The following TSPEAR variants were observed in gnomAD, a reference collection of about 807,000 sequenced individuals.
The protein encoded by TSPEAR is thrombospondin-type laminin G domain and EAR repeat-containing protein.
Under a neutral mutation model 71.6 loss-of-function variants are expected in TSPEAR, and 69 were observed. That is an observed-to-expected ratio of 0.96 (90% CI 0.79 to 1.18). TSPEAR has a LOEUF of 1.18. TSPEAR is among the 50% of genes most tolerant of loss of function. The probability of loss-of-function intolerance (pLI) is 0.00; values close to 1 mark genes in which losing one functional copy is unlikely to be tolerated. For synonymous variants in TSPEAR, 402 were observed against 387.2 expected (o/e 1.04, Z -0.45); for missense variants, 971 against 894.9 (o/e 1.09, Z -1.09).
chr21:44,575,006 A>G (rs1555923714), intron 1 of TSPEAR: 1 of 1,603,074 alleles, frequency 6.2e-7, no homozygotes, highest in East Asian at 2.2e-5. Context: ...GCCTCCGCTC[A>G]GGTCAGAAGC....
intron 9 of TSPEAR, among the ~76,000 whole-genome samples, chr21:44,518,101 T>C (rs782352079): frequency 2.6e-5 from 4 of 152,260 alleles, no homozygotes; most frequent in Non-Finnish European, 5.9e-5. Context: ...GCATTTTTAA[T>C]GTCCAAGCTC....
chr21:44,544,569 TG>T (rs2053270425), intron 2 of TSPEAR, among the ~76,000 whole-genome samples: 2 of 152,326 alleles, frequency 1.3e-5, no homozygotes, highest in Non-Finnish European at 2.9e-5. Context: ...TGTAAATAAT[TG>T]GGAGAGAAAT....
chr21:44,639,147 C>T (rs1983867930), intron 1 of TSPEAR, among the ~76,000 whole-genome samples: 1 of 152,150 alleles, frequency 6.6e-6, no homozygotes, highest in Non-Finnish European at 1.5e-5. Flanking sequence ...AGGGTCCTGG[C>T]TCCCTTTTGG....
chr21:44,635,345 CAAAAAAAAAAAAA>C (rs56054652), intron 1 of TSPEAR, among the ~76,000 whole-genome samples: 1 of 83,904 alleles, frequency 1.2e-5, no homozygotes, highest in African/African-American at 4.9e-5. Flanking sequence ...GACTCTGTCT[CAAAAAAAAAAAAA>C]AAAAAAAAGA....
intron 1 of TSPEAR, among the ~76,000 whole-genome samples, chr21:44,674,305 A>G (rs140649014): frequency 0.027 from 3,970 of 148,052 alleles, 93 homozygotes; most frequent in Non-Finnish European, 0.042. Context: ...TCTTTTAAAA[A>G]GATAAAAAAA....
intron 1 of TSPEAR, chr21:44,697,486 C>T (rs574049088): frequency 1.4e-5 from 22 of 1,613,912 alleles, no homozygotes; most frequent in East Asian, 4.5e-5. Flanking sequence ...CGGCTTGCTG[C>T]ACCTCCTCCC....
chr21:44,656,867 C>A (rs1985180292), intron 1 of TSPEAR, among the ~76,000 whole-genome samples: 1 of 152,136 alleles, frequency 6.6e-6, no homozygotes, highest in Non-Finnish European at 1.5e-5. Context: ...TTCTCCTCTT[C>A]TTGAGACAAG....
intron 1 of TSPEAR, among the ~76,000 whole-genome samples, chr21:44,594,295 G>A (rs1212846002): frequency 6.6e-6 from 1 of 152,158 alleles, no homozygotes; most frequent in African/African-American, 2.4e-5. Flanking sequence ...TGTAAAGTGG[G>A]GAAGGGGACA....
chr21:44,511,080 G>C (rs587646220), intron 9 of TSPEAR: 3 of 152,446 alleles, frequency 2.0e-5, no homozygotes, highest in Admixed American at 1.3e-4. Flanking sequence ...AGGTGGGCGG[G>C]GGGGAGTGTT....
intron 1 of TSPEAR, among the ~76,000 whole-genome samples, chr21:44,656,462 AT>A (rs55880801): frequency 6.6e-6 from 1 of 151,900 alleles, no homozygotes; most frequent in Non-Finnish European, 1.5e-5. Flanking sequence ...GGGTTGGCAA[AT>A]TTTTTTTGAG....
chr21:44,501,603 GA>G (rs2052032248), intron 11 of TSPEAR, among the ~76,000 whole-genome samples: 1 of 151,550 alleles, frequency 6.6e-6, no homozygotes, highest in Non-Finnish European at 1.5e-5. Context: ...TCTCCAAAAA[GA>G]AAAAATAAAA....
chr21:44,648,643 A>G (rs762433), intron 1 of TSPEAR, among the ~76,000 whole-genome samples: 104,025 of 152,106 alleles, frequency 0.68, 35,789 homozygotes, highest in South Asian at 0.75. Flanking sequence ...CACAGGGCGC[A>G]CCAACATTGC....
intron 1 of TSPEAR, among the ~76,000 whole-genome samples, chr21:44,645,679 C>T (rs190351487): frequency 5.3e-5 from 8 of 152,070 alleles, no homozygotes; most frequent in East Asian, 1.9e-4. Context: ...TCGTCTGTGC[C>T]GTTTTTATTT....
intron 1 of TSPEAR, among the ~76,000 whole-genome samples, chr21:44,594,598 T>C (rs1980232397): frequency 6.6e-6 from 1 of 152,190 alleles, no homozygotes; most frequent in Non-Finnish European, 1.5e-5. Context: ...ACATGCATGT[T>C]TGTTCAGTTC....
intron 1 of TSPEAR, among the ~76,000 whole-genome samples, chr21:44,628,877 C>G (rs1260243423): frequency 1.3e-5 from 2 of 151,778 alleles, no homozygotes; most frequent in African/African-American, 2.4e-5. Flanking sequence ...CTGGGCTTGC[C>G]GCTGGGATGC....
At chr21:44,627,173 T>C in intron 1 of TSPEAR, 2 of 1,611,930 alleles carry the variant, frequency 1.2e-6, no homozygotes, top group East Asian at 2.2e-5. Context: ...CACCCCAGCA[T>C]GGCCGCGTCC....
At position 44,622,254 on chromosome 21, in the gene TSPEAR, G is replaced by A. The variant is rs368707336; in HGVS notation, c.83-54249C>T. On this transcript the variant is annotated intron_variant, in intron 1 of 11. Transcript: ENST00000323084. ...CAAGAATGTGGGGCTTTGCTGATAC[G>A]TTTGAGCTTAAACCTCCCATCTCAT... Among the ~76,000 whole-genome samples, 8 of 152,182 alleles carry A rather than the reference G, an allele frequency of 5.3e-5. 1 individual carries two copies. Among genetic ancestry groups the A allele is most frequent in the East Asian group, 1.9e-4 (1 of 5,180 alleles).
At chr21:44,500,279 C>G (rs1251293175) in intron 11 of TSPEAR, among the ~76,000 whole-genome samples, 1 of 152,208 alleles carries the variant, frequency 6.6e-6, no homozygotes, top group Admixed American at 6.5e-5. Context: ...CCAGGGCCCC[C>G]CTCAAACACA....
chr21:44,516,070 T>G (rs143688447), intron 9 of TSPEAR: 2 of 152,286 alleles, frequency 1.3e-5, no homozygotes, highest in Non-Finnish European at 2.9e-5. Flanking sequence ...TCCCTGCTCC[T>G]GAGCCTCAGT....
Sources: allele counts gnomAD v4.1 joint callset (sites outside exome capture counted in the v4.1 genomes callset), GRCh38; gene constraint gnomAD v4.1.1; transcripts MANE v1.5; gene names NCBI Gene and HGNC (gene_info 2026-07-23, HGNC 2026-07-21).